Variants in SPON1 observed in about 807,000 individuals in gnomAD.
SPON1 encodes spondin-1.
In SPON1, 52 loss-of-function variants were observed where a neutral mutation model predicts 111.7. The ratio of observed to expected loss-of-function variants is 0.47; its 90% confidence interval spans 0.37 to 0.59. The LOEUF is 0.59. Ranked by LOEUF, SPON1 falls within the 20% of genes least tolerant of loss-of-function variation. The probability of loss-of-function intolerance (pLI) is 0.00; values close to 1 mark genes in which losing one functional copy is unlikely to be tolerated. For missense variants in SPON1, 957 were observed against 1,068.5 expected, an observed-to-expected ratio of 0.90 and a Z score of 1.46; for synonymous variants, 410 against 395.8, an observed-to-expected ratio of 1.04 and a Z score of -0.43.
rs114717335 is a variant in SPON1 at position 14,228,371 on chromosome 11, C to A, written c.826-14961C>A. Among the ~76,000 whole-genome samples, 45 of 152,188 alleles carry A rather than the reference C, an allele frequency of 3.0e-4. No homozygotes were observed. The highest frequency in any genetic ancestry group is 7.2e-4 in the African/African-American group (30 of 41,438). ...GCAGCTGGGTTCTCTGGGAAGGAGA[C>A]CTGCATCAAGATTAGAGTGCAGGAA... On this transcript the variant is annotated intron_variant, in intron 6 of 15. Coordinates refer to ENST00000576479, the MANE Select transcript of SPON1 (RefSeq NM_006108.4). The surrounding 1 kb of genome is among the most constrained non-coding windows in gnomAD (Gnocchi z 4.2).
chr11:14,220,593 G>A (rs1848670615), intron 6 of SPON1, among the ~76,000 whole-genome samples: 1 of 152,122 alleles, frequency 6.6e-6, no homozygotes, highest in African/African-American at 2.4e-5. Context: ...TATAAACTCT[G>A]ACCTTAAAAG....
At chr11:14,165,347 G>A (rs187254870) in intron 6 of SPON1, among the ~76,000 whole-genome samples, 41 of 152,234 alleles carry the variant, frequency 2.7e-4, no homozygotes, top group Non-Finnish European at 5.0e-4. Flanking sequence ...GGAAAAGGCC[G>A]TCGATCACTC....
At chr11:14,190,589 C>T (rs1182395838) in intron 6 of SPON1, among the ~76,000 whole-genome samples, 1 of 149,826 alleles carries the variant, frequency 6.7e-6, no homozygotes, top group East Asian at 2.0e-4. Context: ...TCCTTTCTTC[C>T]ATCCTTCTTC....
chr11:14,008,023 G>A (rs985837571), intron 2 of SPON1, among the ~76,000 whole-genome samples: 49 of 152,218 alleles, frequency 3.2e-4, no homozygotes, highest in Admixed American at 1.9e-3. Flanking sequence ...TGCCATATAA[G>A]GTACTATTCA....
At chr11:14,251,872 T>A (rs1554940690) in intron 7 of SPON1, among the ~76,000 whole-genome samples, 1 of 152,224 alleles carries the variant, frequency 6.6e-6, no homozygotes. Flanking sequence ...ATCACTGACC[T>A]ACATGCCAGA....
chr11:14,085,664 G>A (rs1849000652), intron 5 of SPON1, among the ~76,000 whole-genome samples: 1 of 152,178 alleles, frequency 6.6e-6, no homozygotes, highest in South Asian at 2.1e-4. Context: ...ATTTAAAGTA[G>A]TTTTTTCTAG....
intron 3 of SPON1, among the ~76,000 whole-genome samples, chr11:14,071,668 T>G (rs553273931): frequency 6.6e-6 from 1 of 152,274 alleles, no homozygotes; most frequent in East Asian, 1.9e-4. Context: ...GAAAAGTGAA[T>G]AGGTAACAAC....
intron 6 of SPON1, among the ~76,000 whole-genome samples, chr11:14,153,129 C>A (rs1847806717): frequency 6.6e-6 from 1 of 152,174 alleles, no homozygotes; most frequent in Non-Finnish European, 1.5e-5. Context: ...CTTCTTCTAT[C>A]TTCAATCTTT....
chr11:14,226,630 C>T (rs1554938159), intron 6 of SPON1, among the ~76,000 whole-genome samples: 1 of 152,216 alleles, frequency 6.6e-6, no homozygotes, highest in Non-Finnish European at 1.5e-5. Flanking sequence ...TATCTTAAGT[C>T]AGGGACTGTC....
At chr11:14,008,332 G>C (rs1564884704) in intron 2 of SPON1, among the ~76,000 whole-genome samples, 1 of 152,048 alleles carries the variant, frequency 6.6e-6, no homozygotes, top group African/African-American at 2.4e-5. Flanking sequence ...GTATTTCGCG[G>C]GGACATTTTT....
chr11:14,107,949 T>A (rs1456004125), intron 5 of SPON1, among the ~76,000 whole-genome samples: 1 of 152,198 alleles, frequency 6.6e-6, no homozygotes, highest in African/African-American at 2.4e-5. Context: ...TGGAAGCTAC[T>A]TAACGTGTCT....
intron 2 of SPON1, among the ~76,000 whole-genome samples, chr11:13,986,547 T>C (rs994624052): frequency 6.6e-5 from 10 of 152,088 alleles, no homozygotes; most frequent in African/African-American, 1.9e-4. Flanking sequence ...AAATACACAA[T>C]ACATTGTTGT....
chr11:14,060,007 C>T (rs1554919665), intron 3 of SPON1, among the ~76,000 whole-genome samples: 1 of 152,140 alleles, frequency 6.6e-6, no homozygotes, highest in Non-Finnish European at 1.5e-5. Context: ...CTGTTTTCCT[C>T]CTTATAAAAT....
intron 7 of SPON1, among the ~76,000 whole-genome samples, chr11:14,246,472 C>T (rs980815167): frequency 2.6e-5 from 4 of 152,152 alleles, no homozygotes; most frequent in Non-Finnish European, 5.9e-5. Flanking sequence ...TAACACGATC[C>T]TTCCAATTAA....
intron 6 of SPON1, among the ~76,000 whole-genome samples, chr11:14,176,639 A>G (rs1848178718): frequency 6.6e-6 from 1 of 152,188 alleles, no homozygotes; most frequent in African/African-American, 2.4e-5. Flanking sequence ...ATATCCTGTG[A>G]TGGGGTACAG....
At chr11:14,191,824 A>G (rs1554934583) in intron 6 of SPON1, among the ~76,000 whole-genome samples, 1 of 152,250 alleles carries the variant, frequency 6.6e-6, no homozygotes, top group African/African-American at 2.4e-5. Flanking sequence ...TCAGAATCCA[A>G]GGAGTCCTGT....
chr11:13,986,801 T>G (rs1848188853), intron 2 of SPON1, among the ~76,000 whole-genome samples: 1 of 152,192 alleles, frequency 6.6e-6, no homozygotes, highest in Middle Eastern at 3.4e-3. Flanking sequence ...CTTATGAGTG[T>G]GAACATGCGG....
intron 5 of SPON1, among the ~76,000 whole-genome samples, chr11:14,131,745 T>C (rs1345673558): frequency 6.6e-6 from 1 of 152,212 alleles, no homozygotes; most frequent in East Asian, 1.9e-4. Flanking sequence ...TTTGTGGTTA[T>C]AAATGGGGCC....
intron 6 of SPON1, among the ~76,000 whole-genome samples, chr11:14,161,517 G>A (rs567875048): frequency 1.6e-4 from 24 of 150,818 alleles, no homozygotes; most frequent in Admixed American, 3.3e-4. Flanking sequence ...CGGGCTTTCC[G>A]CGTGTTGTCC....
Sources: gnomAD v4.1 joint callset for allele counts (sites outside exome capture counted in the v4.1 genomes callset) on GRCh38, gnomAD v4.1.1 for gene constraint, Gnocchi (gnomAD v3.1) non-coding constraint, MANE v1.5 for transcripts, NCBI Gene and HGNC (gene_info 2026-07-23, HGNC 2026-07-21) for gene names.